The following TCERG1 variants were observed in gnomAD, a reference collection of about 807,000 sequenced individuals.
The protein encoded by TCERG1 is TATA box binding protein (TBP)-associated factor, RNA polymerase II, S, 150kD.
TCERG1 carries 37 observed loss-of-function variants against 144.7 expected under a neutral mutation model. That is an observed-to-expected ratio of 0.26 (90% confidence interval 0.20 to 0.34). The LOEUF (loss-of-function observed/expected upper bound fraction) is 0.34. Ranked by LOEUF, TCERG1 falls within the 10% of genes least tolerant of loss-of-function variation. The pLI, the probability that TCERG1 is intolerant of heterozygous loss-of-function variation, is 1.00. For missense variants in TCERG1, 1,027 were observed against 1,380.7 expected (o/e 0.74, Z 4.06); for synonymous variants, 492 against 458.2 (o/e 1.07, Z -0.94).
At chr5:146,505,610 C>T (rs1354589019) in intron 19 of TCERG1, 1 of 151,466 alleles carries the variant, frequency 6.6e-6, no homozygotes, top group Non-Finnish European at 1.5e-5. Flanking sequence ...CAGACTTTCT[C>T]GTTCTTCAGG....
chr5:146,475,496 G>T (rs1037370826), intron 9 of TCERG1, among the ~76,000 whole-genome samples: 1 of 152,146 alleles, frequency 6.6e-6, no homozygotes, highest in Non-Finnish European at 1.5e-5. Context: ...TTATGCACTG[G>T]ACTGCTCCCA....
At chr5:146,448,095 G>A (rs1302453268) in intron 1 of TCERG1, among the ~76,000 whole-genome samples, 1 of 152,200 alleles carries the variant, frequency 6.6e-6, no homozygotes, top group Non-Finnish European at 1.5e-5. Flanking sequence ...TGGAGTAGTT[G>A]CTATTAACAT....
At chr5:146,456,791 T>C (rs1405099047) in intron 2 of TCERG1, among the ~76,000 whole-genome samples, 1 of 152,238 alleles carries the variant, frequency 6.6e-6, no homozygotes, top group Non-Finnish European at 1.5e-5. Flanking sequence ...AAACTCATTT[T>C]TATGCACAGT....
At chr5:146,495,698 A>T (rs1766830344) in intron 16 of TCERG1, among the ~76,000 whole-genome samples, 1 of 152,162 alleles carries the variant, frequency 6.6e-6, no homozygotes, top group African/African-American at 2.4e-5. Flanking sequence ...ATTGAGATTA[A>T]CTGGCCAGTT....
At chr5:146,492,794 GTATAAT>G (rs2150725607) in intron 15 of TCERG1, 120 bp from the exon 16 acceptor site, 1 of 647,434 alleles carries the variant, frequency 1.5e-6, no homozygotes, top group South Asian at 2.0e-5. Flanking sequence ...GATTATCTGT[GTATAAT>G]TATCTACAGT....
At chr5:146,498,095 C>T (rs1767098223) in intron 16 of TCERG1, among the ~76,000 whole-genome samples, 1 of 145,126 alleles carries the variant, frequency 6.9e-6, no homozygotes, top group Non-Finnish European at 1.5e-5. Context: ...TTCAGTCTTA[C>T]TCTTTCTGTT....
intron 9 of TCERG1, among the ~76,000 whole-genome samples, chr5:146,477,734 A>T (rs75367207): frequency 0.048 from 3,617 of 76,000 alleles, 158 homozygotes; most frequent in African/African-American, 0.16. Flanking sequence ...GTCTCACTTT[A>T]TTGCTCAGGC....
In TCERG1 at chr5:146,457,759, T is replaced by G. The variant is rs80327537; in HGVS notation, c.438+424T>G. Among the ~76,000 whole-genome samples the G allele has an allele frequency of 5.8e-4, 89 of 152,362 alleles. 1 individual carries two copies. The East Asian group carries it at 0.016, about 28-fold the overall frequency. On this transcript the variant is annotated intron_variant, in intron 3 of 22. Transcript: ENST00000679501. ...ACAGATAGCTGTCTCAGGTCTGTTA[T>G]GTTGAATTTCTGCATAAAACATAAC...
chr5:146,483,965 G>A (rs1324007050), intron 15 of TCERG1, among the ~76,000 whole-genome samples: 3 of 152,062 alleles, frequency 2.0e-5, no homozygotes, highest in East Asian at 1.9e-4. Flanking sequence ...TAGAAAAATA[G>A]CAAAATACAG....
intron 1 of TCERG1, among the ~76,000 whole-genome samples, chr5:146,450,896 A>T (rs1279441132): frequency 6.6e-6 from 1 of 152,182 alleles, no homozygotes; most frequent in Non-Finnish European, 1.5e-5. Flanking sequence ...TAAATGTTTC[A>T]CCGGGATTAT....
chr5:146,505,151 G>T (rs1337762276), intron 19 of TCERG1, among the ~76,000 whole-genome samples: 1 of 151,646 alleles, frequency 6.6e-6, no homozygotes, highest in Non-Finnish European at 1.5e-5. Context: ...ATGAATTTGT[G>T]TTGGGGTACA....
rs532665036 is a variant in TCERG1, at chr5:146,477,074, C to G, written c.1602-1419C>G. ...CGTGAGCCACCATGCCCAGCTGATCCATCTTCTAATTCACTGATTGTTTCC... is the reference window on the plus strand; with the variant it reads ...CGTGAGCCACCATGCCCAGCTGATCGATCTTCTAATTCACTGATTGTTTCC... On this transcript the variant is annotated intron_variant, in intron 9 of 22. Coordinates refer to ENST00000679501, the MANE Select transcript of TCERG1 (RefSeq NM_001382548.1). Among the ~76,000 whole-genome samples the G allele has an allele frequency of 3.9e-5, 6 of 152,294 alleles. No homozygotes were observed. In the South Asian group the frequency reaches 1.2e-3, roughly 32 times the overall value.
chr5:146,484,020 A>G (rs1765594336), intron 15 of TCERG1, among the ~76,000 whole-genome samples: 1 of 152,162 alleles, frequency 6.6e-6, no homozygotes, highest in Admixed American at 6.5e-5. Flanking sequence ...CAACTAATAG[A>G]TATGACTACC....
At chr5:146,478,324 T>G in intron 9 of TCERG1, 169 bp from the exon 10 acceptor site, 1 of 561,462 alleles carries the variant, frequency 1.8e-6, no homozygotes, top group Non-Finnish European at 2.7e-6. Context: ...CTTGAGTCAT[T>G]CAGTTATCTT....
chr5:146,457,094 C>G, intron 2 of TCERG1, 89 bp from the exon 3 acceptor site: 2 of 1,512,482 alleles, frequency 1.3e-6, no homozygotes, highest in African/African-American at 1.4e-5. Context: ...ACTAGTTTCT[C>G]TTACAGTGTT....
At chr5:146,482,469 T>G (rs868320379) in intron 13 of TCERG1, 123 bp from the exon 14 acceptor site, 3 of 885,312 alleles carry the variant, frequency 3.4e-6, no homozygotes, top group Admixed American at 3.3e-5. Flanking sequence ...CAATATAATT[T>G]GTTTTTGCCA....
chr5:146,471,401 C>T (rs913853473), intron 8 of TCERG1, 87 bp from the exon 9 acceptor site: 3 of 1,188,846 alleles, frequency 2.5e-6, no homozygotes, highest in Non-Finnish European at 3.6e-6. Flanking sequence ...GTGTTGATTG[C>T]ACTTTGAGCT....
chr5:146,485,323 A>C (rs895865800), intron 15 of TCERG1, among the ~76,000 whole-genome samples: 1 of 152,142 alleles, frequency 6.6e-6, no homozygotes, highest in Non-Finnish European at 1.5e-5. Context: ...TATGGTGCTC[A>C]TGGCTCTAAT....
Position 146,470,725 on chromosome 5 carries a change from G to T in TCERG1, c.1489G>T (p.Glu497Ter). 6.2e-7 allele frequency: 1 copy of T among 1,613,406 alleles called. No homozygotes were observed. The highest frequency in any genetic ancestry group is 2.2e-5 in the East Asian group (1 of 44,842). ...GACGGAGGAGGAGGATCCTAAAGAA[G>T]AGCCTATAAAGGAGATAAAGGAGGT... is the stretch of plus-strand genomic sequence containing the variant. ...METEEEDPKE[E>*]PIKEIKEEPK... The change falls in exon 8 of 23, where the codon GAG (glutamate) becomes TAG (stop). Residue 497 changes from glutamate to a stop codon, truncating the protein, a stop_gained. Coordinates refer to ENST00000679501, the MANE Select transcript of TCERG1 (RefSeq NM_001382548.1). LOFTEE classifies it high-confidence loss of function.
Sources: allele counts gnomAD v4.1 joint callset (sites outside exome capture counted in the v4.1 genomes callset), GRCh38; gene constraint gnomAD v4.1.1; transcripts MANE v1.5; gene names NCBI Gene and HGNC (gene_info 2026-07-23, HGNC 2026-07-21).